Variants in CADPS2 observed in about 807,000 individuals in gnomAD.
The protein encoded by CADPS2 is calcium dependent secretion activator 2.
Under a neutral mutation model 172.5 loss-of-function variants are expected in CADPS2, and 93 were observed. The observed-to-expected ratio is 0.54, with a 90% CI of 0.46 to 0.64. The LOEUF (loss-of-function observed/expected upper bound fraction) is 0.64. Ranked by LOEUF, CADPS2 falls within the 30% of genes least tolerant of loss-of-function variation. The probability of loss-of-function intolerance (pLI) is 0.00; values close to 1 mark genes in which losing one functional copy is unlikely to be tolerated. For missense variants in CADPS2, 1,420 were observed against 1,565.9 expected (o/e 0.91, Z 1.57); for synonymous variants, 546 against 555.2 (o/e 0.98, Z 0.23).
chr7:122,729,515 T>C (rs564417200), intron 2 of CADPS2, among the ~76,000 whole-genome samples: 3 of 151,900 alleles, frequency 2.0e-5, no homozygotes, highest in Non-Finnish European at 2.9e-5. Context: ...TTTCTCTACA[T>C]ACTTGTCAAC....
At chr7:122,859,535 A>C (rs2141258782) in intron 1 of CADPS2, among the ~76,000 whole-genome samples, 1 of 152,282 alleles carries the variant, frequency 6.6e-6, no homozygotes, top group South Asian at 2.1e-4. Flanking sequence ...GTCAAAGATA[A>C]AACTATTAAG....
At chr7:122,680,531 T>C (rs188879408) in intron 2 of CADPS2, among the ~76,000 whole-genome samples, 1 of 152,216 alleles carries the variant, frequency 6.6e-6, no homozygotes, top group Middle Eastern at 3.4e-3. Flanking sequence ...CTGGCCAACA[T>C]GGCAAAAGCC....
intron 14 of CADPS2, among the ~76,000 whole-genome samples, chr7:122,455,672 A>G (rs1049949680): frequency 4.6e-5 from 7 of 152,134 alleles, no homozygotes; most frequent in Non-Finnish European, 8.8e-5. Context: ...ACTGCTTATT[A>G]GAATTAACAG....
At chr7:122,537,234 C>T (rs139354631) in intron 8 of CADPS2, among the ~76,000 whole-genome samples, 1 of 150,326 alleles carries the variant, frequency 6.7e-6, no homozygotes, top group Non-Finnish European at 1.5e-5. Flanking sequence ...ATATTTACAA[C>T]TATTTGTCCT....
chr7:122,704,781 T>G (rs1371409736), intron 2 of CADPS2, among the ~76,000 whole-genome samples: 1 of 152,054 alleles, frequency 6.6e-6, no homozygotes, highest in South Asian at 2.1e-4. Flanking sequence ...GGTTTTCAAC[T>G]TGGGGGCAAT....
chr7:122,686,818 G>A (rs983123981), intron 2 of CADPS2, among the ~76,000 whole-genome samples: 11 of 152,066 alleles, frequency 7.2e-5, no homozygotes, highest in Non-Finnish European at 1.3e-4. Flanking sequence ...CCGAGTAGCT[G>A]GTATTACAGG....
intron 2 of CADPS2, among the ~76,000 whole-genome samples, chr7:122,724,981 T>G (rs2090929721): frequency 6.6e-6 from 1 of 152,074 alleles, no homozygotes; most frequent in African/African-American, 2.4e-5. Flanking sequence ...AAATTTGTGT[T>G]ATAGTAGTAT....
At chr7:122,539,757 C>CTCTCCCTGTCTGTT (rs1179239793) in intron 8 of CADPS2, among the ~76,000 whole-genome samples, 12 of 151,974 alleles carry the variant, frequency 7.9e-5, no homozygotes, top group African/African-American at 1.7e-4. Context: ...CTCTGTCTCT[C>CTCTCCCTGTCTGTT]TCTGTCTCTG....
chr7:122,406,143 A>G (rs923896301), intron 20 of CADPS2, among the ~76,000 whole-genome samples: 1 of 152,184 alleles, frequency 6.6e-6, no homozygotes, highest in Non-Finnish European at 1.5e-5. Flanking sequence ...AATATTACAA[A>G]TGATTTCATG....
At chr7:122,527,081 C>G (rs961415678) in intron 8 of CADPS2, among the ~76,000 whole-genome samples, 5 of 152,016 alleles carry the variant, frequency 3.3e-5, no homozygotes, top group Admixed American at 3.3e-4. Context: ...TCTTGGATAG[C>G]CTTTGGATTT....
At chr7:122,692,377 G>A (rs1022315289) in intron 2 of CADPS2, among the ~76,000 whole-genome samples, 13 of 152,316 alleles carry the variant, frequency 8.5e-5, no homozygotes, top group African/African-American at 2.4e-4. Context: ...TTCTCCCTGC[G>A]CTGCATCCTG....
intron 3 of CADPS2, among the ~76,000 whole-genome samples, chr7:122,646,451 C>T (rs12532793): frequency 0.17 from 26,490 of 151,848 alleles, 2,374 homozygotes; most frequent in Admixed American, 0.24. Context: ...CAAAAGTGAA[C>T]AGACACAGGG....
intron 29 of CADPS2, among the ~76,000 whole-genome samples, chr7:122,322,279 T>G (rs1039243725): frequency 6.6e-6 from 1 of 152,250 alleles, no homozygotes; most frequent in African/African-American, 2.4e-5. Flanking sequence ...TTAGCTTAAT[T>G]ACCAGTAAGT....
At chr7:122,436,281 A>T in intron 17 of CADPS2, 1 of 802,124 alleles carries the variant, frequency 1.2e-6, no homozygotes, top group Non-Finnish European at 1.8e-6. Flanking sequence ...CCTGTCAATC[A>T]TGTCTCAACA....
rs537987461 is a variant in CADPS2, at chr7:122,722,577, T to C, written c.453+14378A>G. Among the ~76,000 whole-genome samples, 4 of 149,742 alleles carry C rather than the reference T, an allele frequency of 2.7e-5. No homozygotes were observed. In the East Asian group the frequency reaches 7.9e-4, roughly 29 times the overall value. ...CAAATGGAAGAACATTCCATGCTCA[T>C]TGATAGGAAGAATCAATATTGTGAA... On this transcript the variant is annotated intron_variant, in intron 2 of 29. Coordinates refer to ENST00000449022, the MANE Select transcript of CADPS2 (RefSeq NM_017954.11).
At chr7:122,457,860 C>G (rs1002109450) in intron 14 of CADPS2, among the ~76,000 whole-genome samples, 3 of 152,122 alleles carry the variant, frequency 2.0e-5, no homozygotes, top group Non-Finnish European at 4.4e-5. Context: ...CAGTACTTAG[C>G]AAGCTTGTGG....
intron 20 of CADPS2, among the ~76,000 whole-genome samples, chr7:122,403,562 A>G (rs750262985): frequency 2.0e-5 from 3 of 152,206 alleles, no homozygotes; most frequent in Non-Finnish European, 2.9e-5. Flanking sequence ...AGAGAAATAT[A>G]AAACATATTT....
At chr7:122,467,666 A>C (rs2152126115) in intron 14 of CADPS2, among the ~76,000 whole-genome samples, 1 of 152,352 alleles carries the variant, frequency 6.6e-6, no homozygotes. Context: ...TAGAGGAGTC[A>C]GTGAATACAC....
intron 1 of CADPS2, among the ~76,000 whole-genome samples, chr7:122,798,058 C>G (rs1313379845): frequency 6.7e-6 from 1 of 150,316 alleles, no homozygotes; most frequent in African/African-American, 2.4e-5. Flanking sequence ...AGAGCAAGTT[C>G]AATTTTATGC....
Sources: gnomAD v4.1 joint callset for allele counts (sites outside exome capture counted in the v4.1 genomes callset) on GRCh38, gnomAD v4.1.1 for gene constraint, MANE v1.5 for transcripts, NCBI Gene and HGNC (gene_info 2026-07-23, HGNC 2026-07-21) for gene names.